E2F6: variants seen among roughly 807,000 people sequenced by gnomAD.
E2F6 encodes the protein transcription factor E2F6.
A neutral mutation model predicts 31.5 loss-of-function variants in E2F6; 19 were observed. The ratio of observed to expected loss-of-function variants is 0.60; its 90% CI spans 0.42 to 0.89. E2F6 has a LOEUF of 0.89. Among genes scored for constraint, E2F6 ranks in the 40% least tolerant of loss-of-function variants. The pLI is 0.00. For synonymous variants in E2F6, 121 were observed against 127.7 expected (o/e 0.95, Z 0.36); for missense variants, 269 against 341.6 (o/e 0.79, Z 1.67).
Position 11,465,801 on chromosome 2 carries a change from G to A in E2F6, c.79C>T (p.Arg27Ter). 1 of 1,600,518 alleles carries A rather than the reference G, an allele frequency of 6.2e-7. No individual in the cohort carries two copies. Among genetic ancestry groups the A allele is most frequent in the Middle Eastern group, 1.7e-4 (1 of 6,038 alleles). The change falls in exon 1 of 7, where the codon CGA becomes TGA. Residue 27 changes from arginine (R) to a stop codon, truncating the protein, a stop_gained. Coordinates refer to ENST00000381525, the MANE Select transcript of E2F6 (RefSeq NM_198256.4). LOFTEE classifies it high-confidence loss of function. Reference protein sequence around the residue: ...PTEETVRRRCRDPINVEGLLP... With the variant: ...PTEETVRRRC Reference sequence around the variant, plus strand: ...AGGCCCTCCACGTTGATGGGGTCTCGGCACCGACGGCGAACCGTCTCCTCC... The same window carrying A: ...AGGCCCTCCACGTTGATGGGGTCTCAGCACCGACGGCGAACCGTCTCCTCC...
chr2:11,459,522 A>G (rs1353087627), intron 1 of E2F6, among the ~76,000 whole-genome samples: 2 of 152,152 alleles, frequency 1.3e-5, no homozygotes, highest in Admixed American at 6.5e-5. Context: ...AAAACACTCT[A>G]TCTTGGAGGA....
At chr2:11,460,720 G>A (rs1671722950) in intron 1 of E2F6, among the ~76,000 whole-genome samples, 1 of 152,134 alleles carries the variant, frequency 6.6e-6, no homozygotes, top group Non-Finnish European at 1.5e-5. Context: ...TACACACCTA[G>A]GCTATACAGT....
intron 1 of E2F6, among the ~76,000 whole-genome samples, chr2:11,462,762 T>C (rs1163794044): frequency 6.6e-6 from 1 of 152,230 alleles, no homozygotes; most frequent in Non-Finnish European, 1.5e-5. Context: ...AAGATTCAGG[T>C]GCTGGGTGGT....
At chr2:11,453,251 G>A (rs1208699575) in intron 3 of E2F6, among the ~76,000 whole-genome samples, 3 of 151,850 alleles carry the variant, frequency 2.0e-5, no homozygotes, top group Non-Finnish European at 4.4e-5. Flanking sequence ...TGTTGAGAAT[G>A]TACTTTCCTG....
chr2:11,444,438 T>G lies in E2F6; in HGVS notation c.*2039A>C, dbSNP rs931220221. 3 of 152,246 alleles carry G rather than the reference T, an allele frequency of 2.0e-5. No homozygotes were observed. The highest frequency in any genetic ancestry group is 2.9e-5 in the Non-Finnish European group (2 of 68,046). The allele number at this position is 152,246 out of a possible 1,614,324, so 9.4% of individuals were successfully genotyped here. A position where few individuals can be genotyped will look rare whatever the true frequency, so the allele number is the denominator to read the frequency against. The stretch of plus-strand genomic sequence containing the variant: ...CTGTAATTTACAAAGGATTTTCGTT[T>G]ACATGATCTCATTTTACCTTCAGAA... On this transcript the variant is annotated 3_prime_UTR_variant, in exon 7 of 7. Coordinates refer to ENST00000381525, the MANE Select transcript of E2F6 (RefSeq NM_198256.4).
chr2:11,452,797 C>T (rs956293349), intron 3 of E2F6, among the ~76,000 whole-genome samples: 12 of 151,998 alleles, frequency 7.9e-5, no homozygotes, highest in African/African-American at 1.7e-4. Flanking sequence ...CAATGCATGC[C>T]GATATAAACT....
chr2:11,463,104 A>T (rs1309153482), intron 1 of E2F6, among the ~76,000 whole-genome samples: 1 of 152,216 alleles, frequency 6.6e-6, no homozygotes, highest in African/African-American at 2.4e-5. Flanking sequence ...GTGAGCTTAG[A>T]GTTTTTATCA....
At chr2:11,450,841 G>A (rs1393422809) in intron 4 of E2F6, among the ~76,000 whole-genome samples, 3 of 151,946 alleles carry the variant, frequency 2.0e-5, no homozygotes, top group South Asian at 4.2e-4. Flanking sequence ...GACTGCTGGA[G>A]AGAGTTTTAA....
chr2:11,459,954 G>A (rs1020550348), intron 1 of E2F6, among the ~76,000 whole-genome samples: 2 of 152,090 alleles, frequency 1.3e-5, no homozygotes, highest in African/African-American at 2.4e-5. Flanking sequence ...GAAGTCAGAG[G>A]CTTACAAAAT....
At chr2:11,455,864 C>G (rs916380850) in intron 2 of E2F6, among the ~76,000 whole-genome samples, 1 of 152,112 alleles carries the variant, frequency 6.6e-6, no homozygotes, top group African/African-American at 2.4e-5. Flanking sequence ...GAGGGGGAAA[C>G]TGGGAAGGCC....
chr2:11,457,280 A>G lies in E2F6; in HGVS notation c.109-47T>C, dbSNP rs781134685. The G allele has an allele frequency of 4.4e-6, 5 of 1,135,808 alleles. No individual in the cohort carries two copies. The East Asian group carries it at 7.2e-5, about 16-fold the overall frequency. The allele number at this position is 1,135,808 out of a possible 1,614,324, so 70.4% of individuals were successfully genotyped here. A position where few individuals can be genotyped will look rare whatever the true frequency, so the allele number is the denominator to read the frequency against. ...TTAACTTAGTGATTTTAAAACAACAATGCAAACAAATAGCATTTTACTCAA... is the reference window on the plus strand; with the variant it reads ...TTAACTTAGTGATTTTAAAACAACAGTGCAAACAAATAGCATTTTACTCAA... On this transcript the variant is annotated intron_variant, in intron 1 of 6. Coordinates refer to ENST00000381525, the MANE Select transcript of E2F6 (RefSeq NM_198256.4).
intron 2 of E2F6, among the ~76,000 whole-genome samples, chr2:11,455,974 C>T (rs1192041825): frequency 6.6e-6 from 1 of 152,076 alleles, no homozygotes; most frequent in Non-Finnish European, 1.5e-5. Flanking sequence ...GGAGAGGAAA[C>T]CACACCTCAG....
intron 4 of E2F6, among the ~76,000 whole-genome samples, chr2:11,450,688 TCTCA>T (rs758395892): frequency 6.6e-6 from 1 of 152,260 alleles, no homozygotes. Context: ...TTTCGTCTTG[TCTCA>T]CTGTGTTGCC....
intron 6 of E2F6, among the ~76,000 whole-genome samples, chr2:11,447,345 T>C (rs1178947697): frequency 3.3e-5 from 5 of 152,012 alleles, no homozygotes; most frequent in African/African-American, 1.2e-4. Flanking sequence ...TTTGGCCGAG[T>C]GGAGCTGCTG....
intron 1 of E2F6, among the ~76,000 whole-genome samples, chr2:11,463,328 C>G (rs905183235): frequency 1.3e-5 from 2 of 152,146 alleles, no homozygotes; most frequent in Non-Finnish European, 1.5e-5. Flanking sequence ...TGACCTAATT[C>G]CCCCGAAGGA....
rs950191093 is a variant in E2F6, at chr2:11,466,123, G to A, written c.-244C>T. The A allele has an allele frequency of 4.2e-6, 2 of 471,734 alleles. No individual in the cohort carries two copies. The highest frequency in any genetic ancestry group is 7.5e-6 in the Non-Finnish European group (2 of 268,424). The allele number at this position is 471,734 out of a possible 1,614,324, so 29.2% of individuals were successfully genotyped here. A position where few individuals can be genotyped will look rare whatever the true frequency, so the allele number is the denominator to read the frequency against. ...GAGGAGGGAGACCCGCGGATCTCAA[G>A]TCGCCCGGCCCGCCATCTTCCCGCA... On this transcript the variant is annotated 5_prime_UTR_variant, in exon 1 of 7. Transcript: ENST00000381525.
rs115809105 is a variant in E2F6 at position 11,446,809 on chromosome 2, A to C, written c.800-286T>G. ...CTTTTGGAGCCGTCACGACTCCCCC[A>C]GTCTTCGTAATCCTTGTGTCTTTGT... is the stretch of plus-strand genomic sequence containing the variant. On this transcript the variant is annotated intron_variant, in intron 6 of 6. Transcript: ENST00000381525. 7.2e-3 allele frequency among the ~76,000 whole-genome samples: 1,100 copies of C among 152,264 alleles called. 10 individuals carry two copies. The highest frequency in any genetic ancestry group is 0.026 in the African/African-American group (1,065 of 41,552).
Position 11,447,770 on chromosome 2 carries a change from G to A in E2F6, c.656C>T (p.Ser219Phe). ...RLDVPAPRED[S>F]ITVHIRSTNG... is the part of the protein sequence containing the mutation. ...GGTGCTCCTTATGTGCACTGTGATA[G>A]AGTCCTAGCAAAGGACACAGGAATC... The change falls in exon 6 of 7, where the codon TCT becomes TTT. Residue 219 changes from serine (S) to phenylalanine (F), a missense_variant. Physicochemically the swap from Ser to Phe is radical, Grantham distance 155. Coordinates refer to ENST00000381525, the MANE Select transcript of E2F6 (RefSeq NM_198256.4). The A allele has an allele frequency of 6.2e-7, 1 of 1,610,692 alleles. No individual in the cohort carries two copies. The highest frequency in any genetic ancestry group is 8.5e-7 in the Non-Finnish European group (1 of 1,179,604).
At chr2:11,450,218 G>C in intron 4 of E2F6, 92 bp from the exon 5 acceptor site, 1 of 724,228 alleles carries the variant, frequency 1.4e-6, no homozygotes, top group Non-Finnish European at 2.2e-6. Context: ...GGTAATGTTA[G>C]AATGTTTTTA....
Sources: allele counts gnomAD v4.1 joint callset (sites outside exome capture counted in the v4.1 genomes callset), GRCh38; gene constraint gnomAD v4.1.1; transcripts MANE v1.5; gene names NCBI Gene and HGNC (gene_info 2026-07-23, HGNC 2026-07-21).